MAGED1: variants seen among roughly 807,000 people sequenced by gnomAD.
The protein encoded by MAGED1 is melanoma-associated antigen D1.
Under a neutral mutation model 54.1 loss-of-function variants are expected in MAGED1, and 3 were observed. The observed-to-expected ratio is 0.06, with a 90% confidence interval of 0.03 to 0.14. The LOEUF is 0.14. Ranked by LOEUF, MAGED1 falls within the 10% of genes least tolerant of loss-of-function variation. The pLI, the probability that MAGED1 is intolerant of heterozygous loss-of-function variation, is 1.00. For synonymous variants in MAGED1, 217 were observed against 227.3 expected, an observed-to-expected ratio of 0.95 and a Z score of 0.41; for missense variants, 485 against 623.4, an observed-to-expected ratio of 0.78 and a Z score of 2.36.
chrX:51,804,718 G>GA lies in MAGED1; in HGVS notation c.-37+1608dup, dbSNP rs201467061. Among the ~76,000 whole-genome samples, 378 of 110,752 alleles carry GA rather than the reference G, an allele frequency of 3.4e-3. 3 individuals are homozygous for GA. The East Asian group carries it at 0.054, about 16-fold the overall frequency. ...AAAAAATACATGAAGAAATAAAAAA[G>GA]AAAAAAACAAAAAAAGAAATAAATA... On this transcript the variant is annotated intron_variant, in intron 1 of 12. Coordinates refer to the MAGED1 transcript ENST00000375772.
intron 1 of MAGED1, chrX:51,857,576 T>C (rs782573707): frequency 1.3e-4 from 15 of 112,158 alleles, no homozygotes; most frequent in African/African-American, 4.8e-4. Flanking sequence ...AGAAAATTTA[T>C]AGCGGAGATG....
intron 1 of MAGED1, among the ~76,000 whole-genome samples, chrX:51,869,560 T>A (rs1927579737): frequency 9.0e-6 from 1 of 111,429 alleles, no homozygotes; most frequent in Non-Finnish European, 1.9e-5. Flanking sequence ...TTTTCATTTT[T>A]AATTTTTTTT....
chrX:51,814,244 G>A (rs1925324314), intron 1 of MAGED1, among the ~76,000 whole-genome samples: 4 of 111,856 alleles, frequency 3.6e-5, no homozygotes, highest in South Asian at 3.8e-4. Context: ...AAATACCTCC[G>A]TTGTTATGGC....
chrX:51,867,090 A>G (rs1463042999), intron 1 of MAGED1, among the ~76,000 whole-genome samples: 1 of 112,008 alleles, frequency 8.9e-6, no homozygotes, highest in Non-Finnish European at 1.9e-5. Flanking sequence ...ATTACTGATA[A>G]CACTTCAGAG....
intron 1 of MAGED1, among the ~76,000 whole-genome samples, chrX:51,865,201 AT>A (rs1211601081): frequency 2.7e-5 from 3 of 111,356 alleles, no homozygotes; most frequent in East Asian, 2.8e-4. Flanking sequence ...TAAGATTGTA[AT>A]TTTTTTTCTT....
chrX:51,838,317 A>G (rs1926327906), intron 1 of MAGED1, among the ~76,000 whole-genome samples: 1 of 112,693 alleles, frequency 8.9e-6, no homozygotes, highest in Non-Finnish European at 1.9e-5. Context: ...TTTTTTCTGG[A>G]GAAGTTTAAG....
At chrX:51,853,327 C>T (rs1926961356) in intron 1 of MAGED1, among the ~76,000 whole-genome samples, 1 of 111,648 alleles carries the variant, frequency 9.0e-6, no homozygotes, top group Non-Finnish European at 1.9e-5. Flanking sequence ...TTTTTGTGAA[C>T]ATTTCTGTTG....
At chrX:51,809,962 G>A (rs1383630912) in intron 1 of MAGED1, among the ~76,000 whole-genome samples, 4 of 111,452 alleles carry the variant, frequency 3.6e-5, no homozygotes, top group Non-Finnish European at 7.5e-5. Flanking sequence ...TGATGCTGCC[G>A]CTGCTGCTTT....
At chrX:51,826,855 T>C (rs1925867679) in intron 1 of MAGED1, among the ~76,000 whole-genome samples, 1 of 112,531 alleles carries the variant, frequency 8.9e-6, no homozygotes, top group African/African-American at 3.2e-5. Context: ...TCTTACCATA[T>C]GATCCAGCGA....
At chrX:51,810,427 T>C (rs1412446478) in intron 1 of MAGED1, among the ~76,000 whole-genome samples, 1 of 112,318 alleles carries the variant, frequency 8.9e-6, no homozygotes, top group Non-Finnish European at 1.9e-5. Flanking sequence ...CAGCATTTTA[T>C]TGAAAATTCG....
In MAGED1 at chrX:51,896,611, C is replaced by T. The variant is rs1928761388; in HGVS notation, c.956C>T (p.Ala319Val). The T allele has an allele frequency of 8.3e-7, 1 of 1,211,854 alleles. No homozygotes were observed. Among genetic ancestry groups the T allele is most frequent in the African/African-American group, 1.7e-5 (1 of 57,832 alleles). ...QNQTARQTPP[A>V]RQSPPARQTP... is the part of the protein sequence containing the mutation. The stretch of plus-strand genomic sequence containing the variant: ...CAGACAGCCAGGCAGACCCCACCAG[C>T]ACGTCAGAGCCCTCCAGCTAGGCAG... The change falls in exon 4 of 13, where the codon GCA becomes GTA. Residue 319 changes from alanine to valine, a missense_variant. Physicochemically the swap from Ala to Val is moderately conservative, Grantham distance 64 (BLOSUM62 0). Transcript: ENST00000326587.
intron 1 of MAGED1, among the ~76,000 whole-genome samples, chrX:51,867,032 A>G (rs1409624717): frequency 1.8e-5 from 2 of 112,151 alleles, no homozygotes; most frequent in African/African-American, 6.5e-5. Flanking sequence ...ACCAATTGAA[A>G]TTGAAAGATG....
chrX:51,897,509 C>T, intron 5 of MAGED1, 38 bp from the exon 6 acceptor site: 1 of 1,088,035 alleles, frequency 9.2e-7, no homozygotes, highest in Non-Finnish European at 1.3e-6. Flanking sequence ...CTCTGTGGCC[C>T]CCGCTCGGCT....
At chrX:51,856,498 T>G (rs1446017887) in intron 1 of MAGED1, among the ~76,000 whole-genome samples, 3 of 112,408 alleles carry the variant, frequency 2.7e-5, no homozygotes, top group Non-Finnish European at 5.6e-5. Flanking sequence ...ATGGAATATT[T>G]CATGTATTTA....
intron 1 of MAGED1, among the ~76,000 whole-genome samples, chrX:51,850,324 T>C (rs1926840157): frequency 8.9e-6 from 1 of 112,088 alleles, no homozygotes; most frequent in South Asian, 3.7e-4. Context: ...TTACCAGTAT[T>C]TGGAAATTCC....
At position 51,897,220 on chromosome X, in the gene MAGED1, G is replaced by A. The variant is rs1256652889; in HGVS notation, c.1435G>A (p.Val479Ile). ...TTTTCCCTCCCAGGCAAATAAGTTGGTCAAGTACTTGATGCTTAAGGACTA... is the reference window on the plus strand; with the variant it reads ...TTTTCCCTCCCAGGCAAATAAGTTGATCAAGTACTTGATGCTTAAGGACTA... ...ALLQERANKLVKYLMLKDYTK... is the reference protein window; with the variant it reads ...ALLQERANKLIKYLMLKDYTK... Residue 479 changes from valine (V) to isoleucine (I), a missense_variant, in exon 5 of 13, where the codon GTC becomes ATC. Val to Ile is a conservative substitution (Grantham distance 29). This residue lies in a region of MAGED1 where 186 missense variants were observed against 330.3 expected (regional missense o/e 0.56). Transcript: ENST00000326587. 1 of 1,207,969 alleles carries A rather than the reference G, an allele frequency of 8.3e-7. No individual in the cohort carries two copies. Among genetic ancestry groups the A allele is most frequent in the Non-Finnish European group, 1.1e-6 (1 of 894,621 alleles).
chrX:51,890,312 G>T (rs1016656852), upstream of MAGED1, among the ~76,000 whole-genome samples: 1 of 112,308 alleles, frequency 8.9e-6, no homozygotes, highest in East Asian at 2.8e-4. Context: ...GTCGTGCCTG[G>T]TCTCTCCTGA....
At chrX:51,804,407 A>G (rs1338214878) in intron 1 of MAGED1, among the ~76,000 whole-genome samples, 1 of 112,074 alleles carries the variant, frequency 8.9e-6, no homozygotes, top group Non-Finnish European at 1.9e-5. Context: ...TGTGACACCA[A>G]AACACTTAGG....
At chrX:51,873,053 A>T (rs943222669) in intron 1 of MAGED1, among the ~76,000 whole-genome samples, 5 of 60,582 alleles carry the variant, frequency 8.3e-5, no homozygotes, top group African/African-American at 2.2e-4. Context: ...GTCAAAAAAA[A>T]AAAAATAAAT....
Sources: allele counts gnomAD v4.1 joint callset (sites outside exome capture counted in the v4.1 genomes callset), GRCh38; gene constraint gnomAD v4.1.1; regional missense constraint gnomAD v4.1.1; transcripts MANE v1.5; gene names NCBI Gene and HGNC (gene_info 2026-07-23, HGNC 2026-07-21).